Variants in CFDP1 observed in about 807,000 individuals in gnomAD.
The protein encoded by CFDP1 is heterochromatin-stabilizing protein CFDP1.
CFDP1 carries 31 observed loss-of-function variants against 40.1 expected under a neutral mutation model. That is an observed-to-expected ratio of 0.77 (90% confidence interval 0.58 to 1.04). CFDP1 has a LOEUF of 1.04. CFDP1 is among the 50% of genes least tolerant of loss of function. The pLI, the probability that CFDP1 is intolerant of heterozygous loss-of-function variation, is 0.00. For synonymous variants in CFDP1, 167 were observed against 120.0 expected, an observed-to-expected ratio of 1.39 and a Z score of -2.56; for missense variants, 423 against 343.4, an observed-to-expected ratio of 1.23 and a Z score of -1.83.
intron 5 of CFDP1, among the ~76,000 whole-genome samples, chr16:75,387,723 C>G (rs1017847115): frequency 5.9e-5 from 9 of 152,326 alleles, no homozygotes; most frequent in Admixed American, 5.9e-4. Context: ...TGATTACCCT[C>G]TGGAAACAGT....
At chr16:75,296,060 G>C (rs1391179554) in intron 6 of CFDP1, among the ~76,000 whole-genome samples, 2 of 152,152 alleles carry the variant, frequency 1.3e-5, no homozygotes, top group African/African-American at 4.8e-5. Flanking sequence ...CTGTCCCCTG[G>C]AAGTGCTAGC....
At chr16:75,359,334 C>T (rs2078666758) in intron 5 of CFDP1, among the ~76,000 whole-genome samples, 1 of 152,098 alleles carries the variant, frequency 6.6e-6, no homozygotes, top group South Asian at 2.1e-4. Flanking sequence ...GTCAGAGTAA[C>T]ATGCACACGA....
chr16:75,304,759 T>G (rs1461171816), intron 6 of CFDP1, among the ~76,000 whole-genome samples: 2 of 152,222 alleles, frequency 1.3e-5, no homozygotes, highest in Non-Finnish European at 2.9e-5. Flanking sequence ...GGAGCTGTAA[T>G]TCAGCAAATT....
At chr16:75,356,646 A>C (rs2078645402) in intron 5 of CFDP1, among the ~76,000 whole-genome samples, 1 of 152,166 alleles carries the variant, frequency 6.6e-6, no homozygotes, top group Non-Finnish European at 1.5e-5. Context: ...ATCACTCGAA[A>C]TTTTGAAGCC....
chr16:75,424,241 G>A (rs1253439717), intron 1 of CFDP1, among the ~76,000 whole-genome samples: 1 of 152,178 alleles, frequency 6.6e-6, no homozygotes, highest in Non-Finnish European at 1.5e-5. Flanking sequence ...CTAACTGGAT[G>A]AATTTCAGCC....
intron 5 of CFDP1, among the ~76,000 whole-genome samples, chr16:75,326,497 G>A (rs1435744024): frequency 6.6e-6 from 1 of 152,234 alleles, no homozygotes; most frequent in Non-Finnish European, 1.5e-5. Context: ...ACTCCCTAAA[G>A]CTCTCACATC....
intron 3 of CFDP1, 58 bp from the exon 4 acceptor site, chr16:75,412,010 G>A: frequency 6.6e-7 from 1 of 1,507,062 alleles, no homozygotes; most frequent in East Asian, 2.3e-5. Context: ...ATTGTTTACA[G>A]ATACTTTTTA....
At chr16:75,348,270 G>A (rs929385198) in intron 5 of CFDP1, among the ~76,000 whole-genome samples, 10 of 152,162 alleles carry the variant, frequency 6.6e-5, no homozygotes, top group African/African-American at 2.4e-4. Flanking sequence ...AGTTGGGACT[G>A]CAGGTGTGAA....
intron 5 of CFDP1, among the ~76,000 whole-genome samples, chr16:75,358,706 T>C (rs1054684874): frequency 2.6e-5 from 4 of 152,158 alleles, no homozygotes; most frequent in African/African-American, 9.7e-5. Flanking sequence ...CGACAGACAT[T>C]TTCTCTTTTC....
At chr16:75,362,757 A>G (rs557581228) in intron 5 of CFDP1, 1 of 152,276 alleles carries the variant, frequency 6.6e-6, no homozygotes, top group African/African-American at 2.4e-5. Flanking sequence ...CCCTCTTACT[A>G]ATGACTGCAA....
chr16:75,391,014 TA>T (rs2078944915), intron 5 of CFDP1, among the ~76,000 whole-genome samples: 1 of 152,226 alleles, frequency 6.6e-6, no homozygotes, highest in Non-Finnish European at 1.5e-5. Context: ...TTTCTTATTC[TA>T]AAAAGCATAT....
chr16:75,426,664 A>C (rs1188849096), intron 1 of CFDP1, among the ~76,000 whole-genome samples: 1 of 152,140 alleles, frequency 6.6e-6, no homozygotes, highest in Non-Finnish European at 1.5e-5. Context: ...CAACAGAGCA[A>C]GACTCTGTTT....
chr16:75,314,145 A>G (rs1215992147), intron 5 of CFDP1, among the ~76,000 whole-genome samples: 1 of 152,130 alleles, frequency 6.6e-6, no homozygotes, highest in Non-Finnish European at 1.5e-5. Flanking sequence ...TCAGCCTCCC[A>G]AAGTGCAGAG....
intron 5 of CFDP1, among the ~76,000 whole-genome samples, chr16:75,347,359 A>AAAAAAAAAAAG (rs1555556963): frequency 4.5e-3 from 242 of 53,372 alleles, no homozygotes; most frequent in Middle Eastern, 0.016. Context: ...AAAAAAAAAA[A>AAAAAAAAAAAG]AAAAAGAAAA....
chr16:75,412,454 G>C, intron 3 of CFDP1, 81 bp downstream of exon 3: 2 of 1,060,378 alleles, frequency 1.9e-6, no homozygotes, highest in South Asian at 2.7e-5. Context: ...AAAGGCATCT[G>C]GTCGATTTCC....
At chr16:75,309,723 G>C (rs907892113) in intron 5 of CFDP1, among the ~76,000 whole-genome samples, 6 of 150,704 alleles carry the variant, frequency 4.0e-5, no homozygotes, top group Non-Finnish European at 8.8e-5. Context: ...GGGAGGCTGA[G>C]GCAGGAGAAT....
At chr16:75,326,237 G>T (rs763048254) in intron 5 of CFDP1, among the ~76,000 whole-genome samples, 41 of 152,116 alleles carry the variant, frequency 2.7e-4, no homozygotes, top group Admixed American at 7.2e-4. Flanking sequence ...ACTGCAGCCG[G>T]GTTGCTTTTG....
intron 5 of CFDP1, among the ~76,000 whole-genome samples, chr16:75,314,098 T>C (rs530601300): frequency 1.6e-4 from 24 of 152,280 alleles, no homozygotes; most frequent in African/African-American, 2.6e-4. Context: ...TTGGCCAGTC[T>C]GGTCTCGAAC....
intron 5 of CFDP1, among the ~76,000 whole-genome samples, chr16:75,353,727 C>A (rs3928417): frequency 6.3e-5 from 7 of 111,308 alleles, no homozygotes; most frequent in Middle Eastern, 0.015. Context: ...CCAGCCTGGG[C>A]GACACAGCAA....
Sources: gnomAD v4.1 joint callset for allele counts (sites outside exome capture counted in the v4.1 genomes callset) on GRCh38, gnomAD v4.1.1 for gene constraint, MANE v1.5 for transcripts, NCBI Gene and HGNC (gene_info 2026-07-23, HGNC 2026-07-21) for gene names.